Variants in LOXHD1 observed in about 807,000 individuals in gnomAD.
The protein encoded by LOXHD1 is lipoxygenase homology PLAT domains 1, also known as lipoxygenase homology domain-containing protein 1.
Under a neutral mutation model 248.2 loss-of-function variants are expected in LOXHD1, and 205 were observed. The observed-to-expected ratio is 0.83, with a 90% confidence interval of 0.74 to 0.93. LOXHD1 has a LOEUF of 0.93. LOXHD1 is among the 40% of genes least tolerant of loss of function. The probability of loss-of-function intolerance (pLI) is 0.00; values close to 1 mark genes in which losing one functional copy is unlikely to be tolerated. For synonymous variants in LOXHD1, 1,113 were observed against 1,162.8 expected (o/e 0.96, Z 0.87); for missense variants, 2,930 against 2,971.6 (o/e 0.99, Z 0.33).
chr18:46,489,192 C>G, intron 37 of LOXHD1, 50 bp from the exon 38 acceptor site: 2 of 1,537,486 alleles, frequency 1.3e-6, no homozygotes, highest in Non-Finnish European at 1.8e-6. Context: ...CCTTCCCTCC[C>G]CTTTCAGACT....
At chr18:46,520,954 C>G (rs1043270058) in intron 33 of LOXHD1, 143 bp downstream of exon 33, 55 of 987,442 alleles carry the variant, frequency 5.6e-5, no homozygotes, top group Non-Finnish European at 6.7e-5. Context: ...CAAAGTACAT[C>G]TGGCTAGCAC....
chr18:46,604,439 T>C (rs943724536), intron 6 of LOXHD1, among the ~76,000 whole-genome samples: 2 of 152,240 alleles, frequency 1.3e-5, no homozygotes, highest in African/African-American at 4.8e-5. Context: ...GCGATTACCT[T>C]CTGACTTGAA....
At chr18:46,653,620 C>T (rs2039140718) in intron 1 of LOXHD1, among the ~76,000 whole-genome samples, 1 of 152,188 alleles carries the variant, frequency 6.6e-6, no homozygotes, top group Non-Finnish European at 1.5e-5. Context: ...CTCTTAGCAA[C>T]AGCCCAGCAC....
chr18:46,640,215 G>A (rs2144377481), intron 3 of LOXHD1, among the ~76,000 whole-genome samples: 1 of 152,254 alleles, frequency 6.6e-6, no homozygotes, highest in South Asian at 2.1e-4. Context: ...GCTGAGTCAA[G>A]GTCAAACAGG....
At chr18:46,655,197 G>T (rs2039164557) in intron 1 of LOXHD1, among the ~76,000 whole-genome samples, 2 of 152,140 alleles carry the variant, frequency 1.3e-5, no homozygotes, top group African/African-American at 4.8e-5. Context: ...GGTTCTTGTT[G>T]TCCATCCTGT....
chr18:46,485,179 A>G, intron 38 of LOXHD1, 28 bp from the exon 39 acceptor site: 1 of 1,539,920 alleles, frequency 6.5e-7, no homozygotes, highest in Non-Finnish European at 8.8e-7. Flanking sequence ...GGGGAGGGTC[A>G]GCACAGGGGA....
At chr18:46,534,617 C>A (rs9967253) in intron 26 of LOXHD1, among the ~76,000 whole-genome samples, 166 bp from the exon 27 acceptor site, 1 of 152,074 alleles carries the variant, frequency 6.6e-6, no homozygotes, top group Non-Finnish European at 1.5e-5. Flanking sequence ...TTGACACACA[C>A]GCCATGCTTA....
At position 46,579,773 on chromosome 18, in the gene LOXHD1, G is replaced by T; in HGVS notation, c.1666C>A (p.His556Asn). 1 of 1,551,666 alleles carries T rather than the reference G, an allele frequency of 6.4e-7. No homozygotes were observed. Among genetic ancestry groups the T allele is most frequent in the Non-Finnish European group, 8.7e-7 (1 of 1,146,904 alleles). ...VRRIMGMARY[H>N]VTVCTGELEG... ...AGTTCACCTGTGCACACAGTCACAT[G>T]GTACCGGGCCACTGGCAGGCAGAGA... Residue 556 changes from histidine to asparagine, a missense_variant, in exon 13 of 41, where the codon CAT (histidine) becomes AAT (asparagine). Transcript: ENST00000642948.
At chr18:46,480,604 G>T (rs1317559619) in intron 40 of LOXHD1, among the ~76,000 whole-genome samples, 5 of 152,146 alleles carry the variant, frequency 3.3e-5, no homozygotes, top group Non-Finnish European at 5.9e-5. Flanking sequence ...CAAAGCTCTG[G>T]CTTTGGAAGG....
At chr18:46,514,185 T>G (rs1442925850) in intron 34 of LOXHD1, among the ~76,000 whole-genome samples, 1 of 152,194 alleles carries the variant, frequency 6.6e-6, no homozygotes, top group Non-Finnish European at 1.5e-5. Context: ...TTGAATGCCA[T>G]GATCAGACCT....
rs745963784 is a variant in LOXHD1 at position 46,566,437 on chromosome 18, C to T, written c.2257G>A (p.Val753Met). 2.6e-6 allele frequency: 4 copies of T among 1,549,884 alleles called. No homozygotes were observed. The highest frequency in any genetic ancestry group is 3.9e-5 in the Admixed American group (2 of 51,012). Residue 753 changes from valine (V) to methionine (M), a missense_variant, in exon 17 of 41, where the codon GTG (valine) becomes ATG (methionine). Val to Met is a conservative substitution (Grantham distance 21). Coordinates refer to ENST00000642948, the MANE Select transcript of LOXHD1 (RefSeq NM_001384474.1). ...TLNIGNINRL[V>M]IGHDSTGMHA... ...ATGCCAGTGCTGTCATGCCCAATCA[C>T]CAGCCGGTTGATCTGAAGGAAACCC...
intron 12 of LOXHD1, among the ~76,000 whole-genome samples, chr18:46,584,867 T>A (rs1406667777): frequency 6.6e-6 from 1 of 152,132 alleles, no homozygotes. Flanking sequence ...TTATACATCA[T>A]GACAATGTAG....
chr18:46,505,322 G>A (rs976739922), intron 37 of LOXHD1, among the ~76,000 whole-genome samples: 5 of 151,820 alleles, frequency 3.3e-5, no homozygotes, highest in East Asian at 1.9e-4. Flanking sequence ...ATGGGACCAC[G>A]GGTGCATGCC....
At chr18:46,597,943 T>C (rs2038283167) in intron 8 of LOXHD1, among the ~76,000 whole-genome samples, 1 of 151,354 alleles carries the variant, frequency 6.6e-6, no homozygotes, top group Non-Finnish European at 1.5e-5. Context: ...TTTTTTTTTT[T>C]TTTTTAGTAG....
chr18:46,606,709 T>C (rs536215841), intron 6 of LOXHD1, among the ~76,000 whole-genome samples: 1 of 152,320 alleles, frequency 6.6e-6, no homozygotes, highest in Non-Finnish European at 1.5e-5. Context: ...ATAAGGTATA[T>C]TCAACCTGTA....
At chr18:46,585,987 A>C (rs2038051899) in intron 12 of LOXHD1, among the ~76,000 whole-genome samples, 1 of 152,226 alleles carries the variant, frequency 6.6e-6, no homozygotes, top group Non-Finnish European at 1.5e-5. Context: ...TTATTTACAT[A>C]ACCAAAAAGT....
intron 36 of LOXHD1, 64 bp from the exon 37 acceptor site, chr18:46,506,087 G>A: frequency 6.6e-7 from 1 of 1,524,090 alleles, no homozygotes; most frequent in East Asian, 2.5e-5. Context: ...CTCTTGCTCT[G>A]GCCTTGATCC....
chr18:46,589,162 CAA>C (rs2038118263), intron 12 of LOXHD1, among the ~76,000 whole-genome samples: 2 of 152,182 alleles, frequency 1.3e-5, no homozygotes, highest in Admixed American at 1.3e-4. Context: ...GGCAAACTGA[CAA>C]AGTGTGTCTG....
chr18:46,649,051 T>G, intron 2 of LOXHD1, 104 bp downstream of exon 2: 2 of 897,362 alleles, frequency 2.2e-6, no homozygotes, highest in South Asian at 1.4e-5. Context: ...TAACCTGTGG[T>G]CAGATGTGCC....
Sources: allele counts gnomAD v4.1 joint callset (sites outside exome capture counted in the v4.1 genomes callset), GRCh38; gene constraint gnomAD v4.1.1; transcripts MANE v1.5; gene names NCBI Gene and HGNC (gene_info 2026-07-23, HGNC 2026-07-21).